Variants in CTNNA3 observed in about 807,000 individuals in gnomAD.
The protein encoded by CTNNA3 is catenin alpha-3.
CTNNA3 carries 76 observed loss-of-function variants against 95.7 expected under a neutral mutation model. The observed-to-expected ratio is 0.79, with a 90% confidence interval of 0.66 to 0.96. CTNNA3 has a LOEUF of 0.96. CTNNA3 is among the 40% of genes least tolerant of loss of function. The pLI is 0.00. For synonymous variants in CTNNA3, 431 were observed against 374.4 expected (o/e 1.15, Z -1.74); for missense variants, 1,191 against 1,089.8 (o/e 1.09, Z -1.31).
intron 13 of CTNNA3, among the ~76,000 whole-genome samples, chr10:66,214,593 C>T (rs554229598): frequency 1.8e-4 from 27 of 151,954 alleles, no homozygotes; most frequent in Middle Eastern, 6.8e-3. Flanking sequence ...TGATTTTCTA[C>T]ATAAGGCTTA....
intron 7 of CTNNA3, among the ~76,000 whole-genome samples, chr10:66,848,483 G>C (rs1326688307): frequency 2.0e-5 from 3 of 152,096 alleles, no homozygotes; most frequent in Non-Finnish European, 4.4e-5. Context: ...TCAGAGACAT[G>C]ACCTAATTTA....
intron 7 of CTNNA3, among the ~76,000 whole-genome samples, chr10:67,058,774 T>A (rs1008006359): frequency 1.1e-4 from 16 of 152,184 alleles, no homozygotes; most frequent in Admixed American, 9.8e-4. Context: ...AGACTTGTAA[T>A]GTCTGCATCA....
rs527308907 is a variant in CTNNA3, at chr10:66,730,059, T to G, written c.1281+36205A>C. On this transcript the variant is annotated intron_variant, in intron 9 of 17. Transcript: ENST00000433211. ...AGGCAGAGCTTGCAGTAAGCCGAGA[T>G]TGTGCCACTGCACTCCAGCCTGGGT... Among the ~76,000 whole-genome samples the G allele has an allele frequency of 1.1e-4, 16 of 151,630 alleles. 1 individual carries two copies. Among genetic ancestry groups the G allele is most frequent in the Non-Finnish European group, 8.8e-5 (6 of 67,950 alleles).
At chr10:66,444,239 G>A (rs993003191) in intron 11 of CTNNA3, among the ~76,000 whole-genome samples, 7 of 152,132 alleles carry the variant, frequency 4.6e-5, no homozygotes, top group Admixed American at 4.6e-4. Context: ...AACCAAGTTG[G>A]AAAACACTCT....
intron 17 of CTNNA3, among the ~76,000 whole-genome samples, chr10:65,947,732 CTGTT>C (rs1273331008): frequency 6.6e-6 from 1 of 152,218 alleles, no homozygotes; most frequent in African/African-American, 2.4e-5. Context: ...GAATTGGTAG[CTGTT>C]TGTTACCACA....
intron 13 of CTNNA3, among the ~76,000 whole-genome samples, chr10:66,256,780 G>A (rs372928389): frequency 4.6e-5 from 7 of 151,464 alleles, no homozygotes; most frequent in East Asian, 1.9e-4. Flanking sequence ...ATTACATGGC[G>A]ACAGCACTGG....
At chr10:66,884,839 T>G (rs986999462) in intron 7 of CTNNA3, among the ~76,000 whole-genome samples, 74 of 152,226 alleles carry the variant, frequency 4.9e-4, no homozygotes, top group African/African-American at 1.6e-3. Flanking sequence ...TGGGCAATCC[T>G]GAACACCCAG....
chr10:67,593,709 A>G (rs961941823), intron 3 of CTNNA3, among the ~76,000 whole-genome samples: 7 of 152,142 alleles, frequency 4.6e-5, no homozygotes, highest in African/African-American at 1.7e-4. Context: ...GCAAAGAAAG[A>G]TAGGTTGAAT....
At chr10:66,330,324 G>GT (rs1442948364) in intron 12 of CTNNA3, among the ~76,000 whole-genome samples, 2 of 151,622 alleles carry the variant, frequency 1.3e-5, no homozygotes, top group Non-Finnish European at 2.9e-5. Context: ...GCAGTGTTTG[G>GT]TTTTTTGTCC....
At chr10:67,337,667 C>T (rs1010976114) in intron 5 of CTNNA3, among the ~76,000 whole-genome samples, 1 of 152,092 alleles carries the variant, frequency 6.6e-6, no homozygotes, top group Non-Finnish European at 1.5e-5. Flanking sequence ...TCATTGTGGC[C>T]TTATTTTTAA....
chr10:67,108,092 C>T lies in CTNNA3; in HGVS notation c.1047+72225G>A, dbSNP rs1858748118. 2.0e-5 allele frequency among the ~76,000 whole-genome samples: 3 copies of T among 152,218 alleles called. No homozygotes were observed. In the South Asian group the frequency reaches 6.2e-4, roughly 32 times the overall value. On this transcript the variant is annotated intron_variant, in intron 7 of 17. Coordinates refer to ENST00000433211, the MANE Select transcript of CTNNA3 (RefSeq NM_013266.4). The stretch of plus-strand genomic sequence containing the variant: ...TGCAACAATAGCAAACAGACCAGTA[C>T]TAGAATGTACATTTACTTATAATTA...
chr10:66,775,597 T>C, intron 7 of CTNNA3, 73 bp from the exon 8 acceptor site: 2 of 1,070,466 alleles, frequency 1.9e-6, no homozygotes, highest in Non-Finnish European at 2.8e-6. Flanking sequence ...GCTTTCTAAA[T>C]TTCCTGAAAA....
intron 5 of CTNNA3, among the ~76,000 whole-genome samples, chr10:67,352,818 C>G (rs984626340): frequency 4.6e-5 from 7 of 152,030 alleles, no homozygotes; most frequent in African/African-American, 1.4e-4. Flanking sequence ...AACCCAGTAG[C>G]ACTTTCTTTC....
chr10:66,874,019 C>G (rs555106919), intron 7 of CTNNA3, among the ~76,000 whole-genome samples: 77 of 152,208 alleles, frequency 5.1e-4, no homozygotes, highest in Admixed American at 3.2e-3. Context: ...AGATTCAAGT[C>G]TGATGCAGAG....
chr10:67,753,352 C>G (rs1841417320), intron 1 of CTNNA3, among the ~76,000 whole-genome samples: 1 of 151,832 alleles, frequency 6.6e-6, no homozygotes, highest in Admixed American at 6.6e-5. Context: ...AATGTAAAAC[C>G]AAAAACTATA....
At chr10:66,493,601 T>A (rs1237412180) in intron 11 of CTNNA3, among the ~76,000 whole-genome samples, 1 of 136,212 alleles carries the variant, frequency 7.3e-6, no homozygotes, top group Admixed American at 7.1e-5. Context: ...ACTACAGTAT[T>A]TTTTTTTTTT....
At chr10:66,412,657 T>C (rs1188933044) in intron 11 of CTNNA3, among the ~76,000 whole-genome samples, 4 of 151,860 alleles carry the variant, frequency 2.6e-5, no homozygotes, top group Non-Finnish European at 4.4e-5. Flanking sequence ...GACGGGGTTT[T>C]ATCGTATTAG....
intron 7 of CTNNA3, among the ~76,000 whole-genome samples, chr10:66,787,422 G>T (rs187796008): frequency 3.3e-5 from 5 of 152,054 alleles, no homozygotes; most frequent in Admixed American, 2.6e-4. Context: ...TTACTTAGGG[G>T]GTGAGGTTGG....
intron 7 of CTNNA3, among the ~76,000 whole-genome samples, chr10:67,174,478 T>C (rs1383066517): frequency 1.3e-5 from 2 of 152,174 alleles, no homozygotes; most frequent in Admixed American, 6.6e-5. Context: ...AATCATTATT[T>C]AACAGTCATC....
Sources: allele counts gnomAD v4.1 joint callset (sites outside exome capture counted in the v4.1 genomes callset), GRCh38; gene constraint gnomAD v4.1.1; transcripts MANE v1.5; gene names NCBI Gene and HGNC (gene_info 2026-07-23, HGNC 2026-07-21).